RANBP9: variants seen among roughly 807,000 people sequenced by gnomAD.
RANBP9 encodes RAN binding protein 9.
RANBP9 carries 15 observed loss-of-function variants against 84.3 expected under a neutral mutation model. The ratio of observed to expected loss-of-function variants is 0.18; its 90% CI spans 0.12 to 0.27. The LOEUF is 0.27. RANBP9 is among the 10% of genes least tolerant of loss of function. The pLI is 1.00. For synonymous variants in RANBP9, 392 were observed against 349.6 expected (o/e 1.12, Z -1.35); for missense variants, 809 against 912.8 (o/e 0.89, Z 1.46).
intron 1 of RANBP9, among the ~76,000 whole-genome samples, chr6:13,703,045 T>C (rs1214690935): frequency 6.6e-6 from 1 of 152,186 alleles, no homozygotes; most frequent in Non-Finnish European, 1.5e-5. Flanking sequence ...CAGTGTCTCA[T>C]TCTGTTGCCC....
chr6:13,653,986 ATAC>A (rs1466577643), intron 4 of RANBP9, among the ~76,000 whole-genome samples: 4 of 152,110 alleles, frequency 2.6e-5, no homozygotes, highest in African/African-American at 9.6e-5. Flanking sequence ...ATATTTTAAT[ATAC>A]TATAAACTAT....
At position 13,700,491 on chromosome 6, in the gene RANBP9, GGT is replaced by G. The variant is rs1207136315; in HGVS notation, c.572-3597_572-3596del. Reference sequence around the variant, plus strand: ...CCACCTTTCCTTCTTAGCCTGAGTAGGTAGGTCCTACTCACACTTTAAATCTT... The same window carrying G: ...CCACCTTTCCTTCTTAGCCTGAGTAGAGGTCCTACTCACACTTTAAATCTT... On this transcript the variant is annotated intron_variant, in intron 1 of 13. Coordinates refer to ENST00000011619, the MANE Select transcript of RANBP9 (RefSeq NM_005493.3). Among the ~76,000 whole-genome samples the G allele has an allele frequency of 8.4e-3, 458 of 54,712 alleles. 4 individuals are homozygous for G. Among genetic ancestry groups the G allele is most frequent in the Admixed American group, 8.9e-3 (35 of 3,936 alleles). 35.9% of individuals were successfully genotyped at this position (54,712 alleles called of 152,430 possible).
chr6:13,691,001 T>C (rs767206348), intron 2 of RANBP9, among the ~76,000 whole-genome samples: 24 of 151,908 alleles, frequency 1.6e-4, no homozygotes, highest in Non-Finnish European at 3.1e-4. Context: ...ACCCCATCTC[T>C]CCTGAAAATA....
At chr6:13,653,149 C>T (rs1464676963) in intron 4 of RANBP9, among the ~76,000 whole-genome samples, 1 of 152,104 alleles carries the variant, frequency 6.6e-6, no homozygotes, top group Non-Finnish European at 1.5e-5. Flanking sequence ...AGGGAAAATA[C>T]AGTATATTTT....
At chr6:13,704,819 T>C (rs1758060819) in intron 1 of RANBP9, among the ~76,000 whole-genome samples, 1 of 152,176 alleles carries the variant, frequency 6.6e-6, no homozygotes, top group Non-Finnish European at 1.5e-5. Context: ...CTTTTAAGAC[T>C]GACCACTAGC....
intron 2 of RANBP9, among the ~76,000 whole-genome samples, chr6:13,659,257 T>TACATACACACAC (rs759705290): frequency 1.6e-4 from 21 of 130,668 alleles, no homozygotes; most frequent in African/African-American, 5.7e-4. Flanking sequence ...CACACACACA[T>TACATACACACAC]ACACACACAC....
intron 10 of RANBP9, among the ~76,000 whole-genome samples, chr6:13,634,802 A>G (rs2127762804): frequency 6.6e-6 from 1 of 152,336 alleles, no homozygotes; most frequent in Middle Eastern, 3.4e-3. Context: ...TGGTTTTATG[A>G]CTTTACATCA....
At position 13,711,480 on chromosome 6, in the gene RANBP9, G is replaced by A; in HGVS notation, c.26C>T (p.Pro9Leu). ...CTGCTGCTGTTGCTGCTGCTGCGGC[G>A]GCGGCGGCGGCGGCTGCCCGGACAT... MSGQPPPP[P>L]PQQQQQQQQL... The change falls in exon 1 of 14, where the codon CCG becomes CTG. Residue 9 changes from proline to leucine, a missense_variant. Coordinates refer to ENST00000011619, the MANE Select transcript of RANBP9 (RefSeq NM_005493.3). 1.6e-6 allele frequency: 2 copies of A among 1,242,002 alleles called. No individual in the cohort carries two copies. The highest frequency in any genetic ancestry group is 2.0e-6 in the Non-Finnish European group (2 of 992,270). The allele number at this position is 1,242,002 out of a possible 1,614,324, so 76.9% of individuals were successfully genotyped here. A position where few individuals can be genotyped will look rare whatever the true frequency, so the allele number is the denominator to read the frequency against.
chr6:13,704,547 C>G (rs1042673826), intron 1 of RANBP9, among the ~76,000 whole-genome samples: 1 of 151,976 alleles, frequency 6.6e-6, no homozygotes, highest in African/African-American at 2.4e-5. Context: ...GGGAGGATCA[C>G]TTGAGCCCAG....
intron 2 of RANBP9, among the ~76,000 whole-genome samples, chr6:13,682,914 G>C (rs1240877500): frequency 6.6e-6 from 1 of 152,158 alleles, no homozygotes. Context: ...TGGATGTACA[G>C]ATCTATAATA....
At chr6:13,672,477 T>A (rs938981006) in intron 2 of RANBP9, among the ~76,000 whole-genome samples, 2 of 151,738 alleles carry the variant, frequency 1.3e-5, no homozygotes, top group East Asian at 3.9e-4. Flanking sequence ...ACCAGGAAAG[T>A]AGAGGAAAAT....
At position 13,696,847 on chromosome 6, in the gene RANBP9, T is replaced by G; in HGVS notation, c.621A>C (p.Pro207=). The change falls in exon 2 of 14, where the codon CCA becomes CCC. Residue 207 remains proline (P), a synonymous_variant. Coordinates refer to ENST00000011619, the MANE Select transcript of RANBP9 (RefSeq NM_005493.3). ...AATAAATCCCACAGGCTGCTGGTATTGGATGCGTGGCTCGAACTGACGCGG... is the reference window on the plus strand; with the variant it reads ...AATAAATCCCACAGGCTGCTGGTATGGGATGCGTGGCTCGAACTGACGCGG... ...KDAASVRATH[P]IPAACGIYYF... is the part of the protein sequence containing the mutation. The G allele has an allele frequency of 3.1e-6, 5 of 1,613,558 alleles. No homozygotes were observed. Among genetic ancestry groups the G allele is most frequent in the Non-Finnish European group, 4.2e-6 (5 of 1,179,656 alleles).
At chr6:13,644,426 TAATA>T in intron 6 of RANBP9, 115 bp downstream of exon 6, 1 of 946,352 alleles carries the variant, frequency 1.1e-6, no homozygotes, top group South Asian at 1.9e-5. Context: ...ATCAATAATA[TAATA>T]GATATGTCAG....
In RANBP9 at chr6:13,696,892, A is replaced by G. The variant is rs765568656; in HGVS notation, c.576T>C (p.His192=). The G allele has an allele frequency of 1.4e-5, 23 of 1,610,716 alleles. No individual in the cohort carries two copies. The highest frequency in any genetic ancestry group is 1.7e-5 in the Admixed American group (1 of 59,700). The part of the protein sequence containing the change: ...QNNLRVHYKG[H]GKTPKDAASV... ...ACGCGGCATCTTTTGGGGTTTTGCC[A>G]TGACCTGCATAGAAACAGGAAGGAA... Residue 192 remains histidine (H), a synonymous_variant, in exon 2 of 14, where the codon CAT becomes CAC. Coordinates refer to ENST00000011619, the MANE Select transcript of RANBP9 (RefSeq NM_005493.3).
chr6:13,632,383 T>C lies in RANBP9; in HGVS notation c.1934A>G (p.Lys645Arg), dbSNP rs1377599608. 1.2e-6 allele frequency: 2 copies of C among 1,607,326 alleles called. No individual in the cohort carries two copies. The highest frequency in any genetic ancestry group is 2.2e-5 in the East Asian group (1 of 44,814). ...RRDCGKNTAN[K>R]KMLKDAFSLL... The stretch of plus-strand genomic sequence containing the variant: ...AAATATATTCACCTTCAACATTTTT[T>C]TGTTTGCAGTGTTCTTGCCACAGTC... The change falls in exon 12 of 14, where the codon AAA (lysine) becomes AGA (arginine). Residue 645 changes from lysine (K) to arginine (R), a missense_variant. Physicochemically the swap from Lys to Arg is conservative, Grantham distance 26 (BLOSUM62 2). Around this residue, in one of 5 missense-constraint regions of RANBP9, gnomAD observed 233 missense variants for 234.4 expected, o/e 0.99. Transcript: ENST00000011619.
intron 2 of RANBP9, among the ~76,000 whole-genome samples, chr6:13,668,619 T>C (rs1765705062): frequency 6.6e-6 from 1 of 152,082 alleles, no homozygotes; most frequent in African/African-American, 2.4e-5. Flanking sequence ...AAAATCCATA[T>C]AATCATCTCA....
chr6:13,681,110 A>G (rs1036248882), intron 2 of RANBP9, among the ~76,000 whole-genome samples: 1 of 152,232 alleles, frequency 6.6e-6, no homozygotes, highest in African/African-American at 2.4e-5. Flanking sequence ...TGACCTACTG[A>G]TACACTCAAC....
intron 2 of RANBP9, among the ~76,000 whole-genome samples, chr6:13,676,762 T>C (rs1183898676): frequency 6.7e-6 from 1 of 150,080 alleles, no homozygotes; most frequent in Non-Finnish European, 1.5e-5. Flanking sequence ...AGAAGAAAAA[T>C]CACGTGATCA....
chr6:13,648,076 T>C (rs747601061), intron 5 of RANBP9, among the ~76,000 whole-genome samples: 28 of 151,326 alleles, frequency 1.9e-4, no homozygotes, highest in Non-Finnish European at 8.8e-5. Context: ...TCTAACTCTA[T>C]GGATCTGCCC....
Sources: allele counts gnomAD v4.1 joint callset (sites outside exome capture counted in the v4.1 genomes callset), GRCh38; gene constraint gnomAD v4.1.1; regional missense constraint gnomAD v4.1.1; transcripts MANE v1.5; gene names NCBI Gene and HGNC (gene_info 2026-07-23, HGNC 2026-07-21).